Variants in OLFM2 observed in about 807,000 individuals in gnomAD.
OLFM2 encodes the protein noelin-2.
In OLFM2, 20 loss-of-function variants were observed where a neutral mutation model predicts 43.9. That is an observed-to-expected ratio of 0.46 (90% CI 0.32 to 0.66). The LOEUF is 0.66. Among genes scored for constraint, OLFM2 ranks in the 30% least tolerant of loss-of-function variants. The probability of loss-of-function intolerance (pLI) is 0.04; values close to 1 mark genes in which losing one functional copy is unlikely to be tolerated. For missense variants in OLFM2, 416 were observed against 643.6 expected (o/e 0.65, Z 3.83); for synonymous variants, 268 against 278.6 (o/e 0.96, Z 0.38).
chr19:9,870,446 C>T (rs547478350), intron 1 of OLFM2, among the ~76,000 whole-genome samples: 2 of 152,320 alleles, frequency 1.3e-5, no homozygotes, highest in Admixed American at 6.5e-5. Flanking sequence ...CGCGGCCCAG[C>T]TGGCTTCCTT....
chr19:9,858,741 G>T (rs990761348), intron 2 of OLFM2, among the ~76,000 whole-genome samples: 11 of 152,182 alleles, frequency 7.2e-5, no homozygotes, highest in Non-Finnish European at 1.6e-4. Context: ...CCCTGGCTAA[G>T]GTAGACTCCC....
At chr19:9,919,349 G>A (rs577899466) in intron 1 of OLFM2, among the ~76,000 whole-genome samples, 98 of 152,088 alleles carry the variant, frequency 6.4e-4, no homozygotes, top group Non-Finnish European at 9.0e-4. Flanking sequence ...TATATTTTTA[G>A]TGGAGATGGG....
intron 1 of OLFM2, among the ~76,000 whole-genome samples, chr19:9,867,861 T>G (rs1326223480): frequency 6.6e-6 from 1 of 152,120 alleles, no homozygotes; most frequent in African/African-American, 2.4e-5. Flanking sequence ...ATTGGACAAT[T>G]AGAAATTAAT....
At chr19:9,880,261 G>A (rs1014196563) in intron 1 of OLFM2, among the ~76,000 whole-genome samples, 2 of 152,204 alleles carry the variant, frequency 1.3e-5, no homozygotes, top group Admixed American at 6.6e-5. Flanking sequence ...CAAAGGCAGG[G>A]AGGGCAGAGC....
At chr19:9,886,751 C>T (rs181979931) in intron 1 of OLFM2, among the ~76,000 whole-genome samples, 200 of 152,032 alleles carry the variant, frequency 1.3e-3, no homozygotes, top group South Asian at 5.6e-3. Context: ...TTTTTTAAAT[C>T]TCAGCTCACT....
intron 1 of OLFM2, among the ~76,000 whole-genome samples, chr19:9,868,068 A>C (rs957175141): frequency 7.3e-6 from 1 of 136,220 alleles, no homozygotes; most frequent in Non-Finnish European, 1.6e-5. Context: ...AAACCAGGCT[A>C]ATTTTTTTTT....
chr19:9,929,318 C>T (rs1343972661), intron 1 of OLFM2, among the ~76,000 whole-genome samples: 2 of 152,102 alleles, frequency 1.3e-5, no homozygotes, highest in African/African-American at 2.4e-5. Flanking sequence ...ATGGGCCGGG[C>T]GCGGTGGCTC....
At chr19:9,877,274 C>A (rs572371246) in intron 1 of OLFM2, among the ~76,000 whole-genome samples, 11 of 149,858 alleles carry the variant, frequency 7.3e-5, no homozygotes, top group African/African-American at 2.2e-4. Context: ...TGGCTCACAC[C>A]TGTAATCCCA....
intron 1 of OLFM2, among the ~76,000 whole-genome samples, chr19:9,910,292 T>C (rs1230499961): frequency 1.3e-5 from 2 of 152,250 alleles, no homozygotes; most frequent in Non-Finnish European, 2.9e-5. Context: ...AGCTAGTAAA[T>C]TACAGGGCCA....
chr19:9,908,060 C>T (rs980216907), intron 1 of OLFM2, among the ~76,000 whole-genome samples: 10 of 151,874 alleles, frequency 6.6e-5, no homozygotes, highest in Non-Finnish European at 1.3e-4. Context: ...CCTGAAAGAT[C>T]CCCCTCCCCA....
rs539726191 is a variant in OLFM2 at position 9,932,182 on chromosome 19, G to A, written c.63+4122C>T. Among the ~76,000 whole-genome samples, 11 of 150,426 alleles carry A rather than the reference G, an allele frequency of 7.3e-5. No homozygotes were observed. The East Asian group carries it at 2.1e-3, about 29-fold the overall frequency. On this transcript the variant is annotated intron_variant, in intron 1 of 5. Transcript: ENST00000264833. ...GAGGGCTATAAAGAAAAATATGGCCGGGCGTGGTGGCTCATGCCTATAATC... is the reference window on the plus strand; with the variant it reads ...GAGGGCTATAAAGAAAAATATGGCCAGGCGTGGTGGCTCATGCCTATAATC...
At chr19:9,903,343 T>C (rs2046756744) in intron 1 of OLFM2, among the ~76,000 whole-genome samples, 1 of 151,494 alleles carries the variant, frequency 6.6e-6, no homozygotes. Context: ...TGTGCTCTCC[T>C]GAACAGCCAG....
At position 9,856,660 on chromosome 19, in the gene OLFM2, T is replaced by G; in HGVS notation, c.687+147A>C. On this transcript the variant is annotated intron_variant, in intron 5 of 5. Coordinates refer to ENST00000264833, the MANE Select transcript of OLFM2 (RefSeq NM_058164.4). This position sits in a 1 kb window ranked among gnomAD's most constrained non-coding sequence, Gnocchi z 4.0. ...AAGCCCTTGGTCACTTGGGGGTTAC[T>G]GGACAGGGAGGTCCAATGGCCCTGG... 1 of 642,346 alleles carries G rather than the reference T, an allele frequency of 1.6e-6. No individual in the cohort carries two copies. Among genetic ancestry groups the G allele is most frequent in the East Asian group, 2.8e-5 (1 of 36,262 alleles). 39.8% of individuals were successfully genotyped at this position (642,346 alleles called of 1,614,324 possible).
In OLFM2 at chr19:9,856,544, G is replaced by A. The variant is rs2046319202; in HGVS notation, c.687+263C>T. 6.6e-6 allele frequency among the ~76,000 whole-genome samples: 1 copy of A among 152,250 alleles called. No individual in the cohort carries two copies. The highest frequency in any genetic ancestry group is 2.4e-5 in the African/African-American group (1 of 41,462). On this transcript the variant is annotated intron_variant, in intron 5 of 5. Transcript: ENST00000264833. This position sits in a 1 kb window ranked among gnomAD's most constrained non-coding sequence, Gnocchi z 4.0. ...TCATTGGGTAGTTACTTGGACGTCA[G>A]TAGTCCCTGAGAACTGGTCAGTAGA...
chr19:9,877,829 A>T (rs2046504697), intron 1 of OLFM2, among the ~76,000 whole-genome samples: 1 of 141,454 alleles, frequency 7.1e-6, no homozygotes, highest in African/African-American at 2.6e-5. Context: ...CTGGAAAAAT[A>T]AATTTTTTTT....
chr19:9,897,769 A>G (rs1467419499), intron 1 of OLFM2, among the ~76,000 whole-genome samples: 1 of 152,174 alleles, frequency 6.6e-6, no homozygotes, highest in Non-Finnish European at 1.5e-5. Context: ...CCACAGAGTC[A>G]CAAAAATCTT....
chr19:9,905,323 G>A (rs929604855), intron 1 of OLFM2, among the ~76,000 whole-genome samples: 30 of 152,140 alleles, frequency 2.0e-4, no homozygotes, highest in African/African-American at 7.2e-4. Context: ...CGGGCGTAGT[G>A]GTGGGCGCCT....
intron 1 of OLFM2, among the ~76,000 whole-genome samples, chr19:9,907,833 A>G (rs7247141): frequency 0.65 from 98,514 of 151,622 alleles, 32,667 homozygotes; most frequent in African/African-American, 0.78. Context: ...GCAAAACCCC[A>G]TCTCTACTGA....
intron 1 of OLFM2, among the ~76,000 whole-genome samples, chr19:9,878,381 CTTTTTTTTTTTTTTTT>C (rs34231833): frequency 1.7e-5 from 1 of 57,640 alleles, no homozygotes; most frequent in East Asian, 4.6e-4. Flanking sequence ...TCATTTCTCT[CTTTTTTTTTTTTTTTT>C]TTTTTTTTTG....
Sources: allele counts gnomAD v4.1 joint callset (sites outside exome capture counted in the v4.1 genomes callset), GRCh38; gene constraint gnomAD v4.1.1; non-coding constraint Gnocchi (gnomAD v3.1); transcripts MANE v1.5; gene names NCBI Gene and HGNC (gene_info 2026-07-23, HGNC 2026-07-21).